The following CNTN4 variants were observed in gnomAD, a reference collection of about 807,000 sequenced individuals.
CNTN4 encodes the protein contactin 4.
CNTN4 carries 77 observed loss-of-function variants against 122.5 expected under a neutral mutation model. The ratio of observed to expected loss-of-function variants is 0.63; its 90% confidence interval spans 0.52 to 0.76. CNTN4 has a LOEUF of 0.76. CNTN4 is among the 30% of genes least tolerant of loss of function. The probability of loss-of-function intolerance (pLI) is 0.00; values close to 1 mark genes in which losing one functional copy is unlikely to be tolerated. For missense variants in CNTN4, 1,256 were observed against 1,259.1 expected (o/e 1.00, Z 0.04); for synonymous variants, 512 against 447.0 (o/e 1.15, Z -1.83).
chr3:3,032,486 T>C (rs1347248257), intron 16 of CNTN4, among the ~76,000 whole-genome samples: 1 of 152,264 alleles, frequency 6.6e-6, no homozygotes. Context: ...GGCCAATAAA[T>C]TAATGTGCCA....
chr3:2,679,968 T>A (rs1041331582), intron 4 of CNTN4, among the ~76,000 whole-genome samples: 2 of 152,222 alleles, frequency 1.3e-5, no homozygotes, highest in Non-Finnish European at 2.9e-5. Context: ...TATTTTGGAA[T>A]GGATTAATGA....
intron 6 of CNTN4, among the ~76,000 whole-genome samples, chr3:2,767,590 A>AACT (rs1464267155): frequency 1.3e-5 from 2 of 152,156 alleles, no homozygotes; most frequent in African/African-American, 4.8e-5. Context: ...GACAGACAAT[A>AACT]GAGATAACAG....
chr3:2,779,177 G>A (rs1023622407), intron 6 of CNTN4, among the ~76,000 whole-genome samples: 3 of 152,094 alleles, frequency 2.0e-5, no homozygotes, highest in South Asian at 2.1e-4. Flanking sequence ...ATAACATCAC[G>A]ATGTTGAAAT....
intron 2 of CNTN4, among the ~76,000 whole-genome samples, chr3:2,181,208 C>T (rs1171878819): frequency 6.6e-6 from 1 of 151,958 alleles, no homozygotes; most frequent in African/African-American, 2.4e-5. Flanking sequence ...AAGTTACACT[C>T]ATGAATAAAA....
At chr3:2,881,145 C>A (rs1215287206) in intron 8 of CNTN4, among the ~76,000 whole-genome samples, 1 of 152,058 alleles carries the variant, frequency 6.6e-6, no homozygotes, top group African/African-American at 2.4e-5. Context: ...CATCAGACAC[C>A]CAGGGTTGAT....
intron 6 of CNTN4, among the ~76,000 whole-genome samples, chr3:2,770,451 C>T (rs988404795): frequency 2.0e-5 from 3 of 152,246 alleles, no homozygotes; most frequent in Admixed American, 6.5e-5. Context: ...CAAGGGCCCT[C>T]AGCTTCCTTC....
chr3:2,145,419 C>A (rs763417920), intron 2 of CNTN4, among the ~76,000 whole-genome samples: 1 of 152,162 alleles, frequency 6.6e-6, no homozygotes, highest in Non-Finnish European at 1.5e-5. Flanking sequence ...TACCACTAAT[C>A]CTTCAGGACT....
In CNTN4 at chr3:3,034,704, C is replaced by G; in HGVS notation, c.1856C>G (p.Pro619Arg). 5 of 1,614,054 alleles carry G rather than the reference C, an allele frequency of 3.1e-6. No individual in the cohort carries two copies. The highest frequency in any genetic ancestry group is 4.2e-6 in the Non-Finnish European group (5 of 1,179,992). ...ACCACTGCTCAGCTCTCCTGGAGAC[C>G]CGGGCCTGACAACCACAGCCCCATC... Reference protein sequence around the residue: ...TDTTAQLSWRPGPDNHSPITM... With the variant: ...TDTTAQLSWRRGPDNHSPITM... Residue 619 changes from proline (P) to arginine (R), a missense_variant, in exon 17 of 25, where the codon CCC becomes CGC. Pro to Arg is a moderately radical substitution (Grantham distance 103). Transcript: ENST00000418658.
At chr3:2,360,430 G>T (rs2045080469) in intron 3 of CNTN4, among the ~76,000 whole-genome samples, 1 of 151,766 alleles carries the variant, frequency 6.6e-6, no homozygotes, top group Non-Finnish European at 1.5e-5. Context: ...ATATAATTTT[G>T]TCCGTATTTC....
rs1463447966 is a variant in CNTN4 at position 2,883,169 on chromosome 3, A to G, written c.677A>G (p.Lys226Arg). The change falls in exon 9 of 25, where the codon AAA becomes AGA. Residue 226 changes from lysine to arginine, a missense_variant. Lys to Arg is a conservative substitution (Grantham distance 26). Coordinates refer to ENST00000418658, the MANE Select transcript of CNTN4 (RefSeq NM_175607.3). ...NDGVMGEYEP[K>R]IEVQFPETVP... ...GGAGTGATGGGTGAATATGAGCCCA[A>G]AATAGAAGTGCAGTTCCCAGAAACA... The G allele has an allele frequency of 6.2e-7, 1 of 1,613,654 alleles. No individual in the cohort carries two copies. The highest frequency in any genetic ancestry group is 8.5e-7 in the Non-Finnish European group (1 of 1,179,774).
At chr3:2,324,239 T>C (rs2043372021) in intron 2 of CNTN4, among the ~76,000 whole-genome samples, 1 of 151,506 alleles carries the variant, frequency 6.6e-6, no homozygotes, top group East Asian at 2.0e-4. Context: ...GCTTAGGGTT[T>C]TGAAGCAGTG....
At chr3:2,490,471 T>G (rs2076285345) in intron 3 of CNTN4, among the ~76,000 whole-genome samples, 1 of 152,190 alleles carries the variant, frequency 6.6e-6, no homozygotes, top group Non-Finnish European at 1.5e-5. Context: ...AAAATTTGTT[T>G]TTCCTCATAA....
chr3:2,298,924 A>T (rs946284564), intron 2 of CNTN4, among the ~76,000 whole-genome samples: 6 of 152,194 alleles, frequency 3.9e-5, no homozygotes, highest in Non-Finnish European at 8.8e-5. Context: ...TATTGAAATG[A>T]TTAGACATTA....
At position 2,883,178 on chromosome 3, in the gene CNTN4, T is replaced by G. The variant is rs1249851478; in HGVS notation, c.686T>G (p.Val229Gly). ...VMGEYEPKIE[V>G]QFPETVPTAK... ...GGTGAATATGAGCCCAAAATAGAAGTGCAGTTCCCAGAAACAGTTCCGACT... is the reference window on the plus strand; with the variant it reads ...GGTGAATATGAGCCCAAAATAGAAGGGCAGTTCCCAGAAACAGTTCCGACT... The change falls in exon 9 of 25, where the codon GTG becomes GGG. Residue 229 changes from valine to glycine, a missense_variant. Physicochemically the swap from Val to Gly is moderately radical, Grantham distance 109. Coordinates refer to ENST00000418658, the MANE Select transcript of CNTN4 (RefSeq NM_175607.3). 9.3e-6 allele frequency: 15 copies of G among 1,613,766 alleles called. No homozygotes were observed. The highest frequency in any genetic ancestry group is 1.3e-5 in the Non-Finnish European group (15 of 1,179,852).
At chr3:2,121,326 C>T (rs906041475) in intron 2 of CNTN4, among the ~76,000 whole-genome samples, 3 of 151,946 alleles carry the variant, frequency 2.0e-5, no homozygotes, top group Non-Finnish European at 2.9e-5. Context: ...AGTGAAACCC[C>T]GTCTCTACTA....
intron 7 of CNTN4, among the ~76,000 whole-genome samples, chr3:2,830,312 G>C (rs1481033542): frequency 1.3e-5 from 2 of 152,150 alleles, no homozygotes; most frequent in Non-Finnish European, 2.9e-5. Context: ...AAATTAAAAA[G>C]ATTATCTCCA....
intron 3 of CNTN4, among the ~76,000 whole-genome samples, chr3:2,557,210 A>G (rs1368139646): frequency 6.6e-6 from 1 of 152,214 alleles, no homozygotes; most frequent in Non-Finnish European, 1.5e-5. Context: ...CAATAGGCCT[A>G]GACTGCTAAT....
chr3:2,897,319 G>A (rs1221575548), intron 10 of CNTN4, among the ~76,000 whole-genome samples: 1 of 152,058 alleles, frequency 6.6e-6, no homozygotes, highest in Admixed American at 6.6e-5. Context: ...TACTTAAGGA[G>A]TCCTAGAAGA....
chr3:2,164,746 G>T (rs975416077), intron 2 of CNTN4, among the ~76,000 whole-genome samples: 2 of 152,018 alleles, frequency 1.3e-5, no homozygotes, highest in African/African-American at 4.8e-5. Context: ...GAGTAAAAAG[G>T]GTTGCAATCA....
Sources: allele counts gnomAD v4.1 joint callset (sites outside exome capture counted in the v4.1 genomes callset), GRCh38; gene constraint gnomAD v4.1.1; transcripts MANE v1.5; gene names NCBI Gene and HGNC (gene_info 2026-07-23, HGNC 2026-07-21).